The following DPP6 variants were observed in gnomAD, a reference collection of about 807,000 sequenced individuals.
DPP6 encodes the protein dipeptidyl peptidase like 6, also known as A-type potassium channel modulatory protein DPP6.
In DPP6, 69 loss-of-function variants were observed where a neutral mutation model predicts 122.6. The ratio of observed to expected loss-of-function variants is 0.56; its 90% CI spans 0.46 to 0.69. The LOEUF (loss-of-function observed/expected upper bound fraction) is 0.69. DPP6 is among the 30% of genes least tolerant of loss of function. The pLI, the probability that DPP6 is intolerant of heterozygous loss-of-function variation, is 0.00. For synonymous variants in DPP6, 418 were observed against 433.1 expected (o/e 0.97, Z 0.43); for missense variants, 928 against 1,116.9 (o/e 0.83, Z 2.41).
intron 1 of DPP6, among the ~76,000 whole-genome samples, chr7:154,041,937 T>C (rs1212023073): frequency 2.0e-5 from 3 of 152,152 alleles, no homozygotes; most frequent in Non-Finnish European, 4.4e-5. Flanking sequence ...TTTTGTATTT[T>C]TAGTAGAGCC....
chr7:154,229,533 A>G (rs1800794553), intron 1 of DPP6, among the ~76,000 whole-genome samples: 1 of 152,234 alleles, frequency 6.6e-6, no homozygotes, highest in South Asian at 2.1e-4. Flanking sequence ...CATGAACAAG[A>G]TGATGTTTTT....
At chr7:154,183,260 T>G (rs1236804089) in intron 1 of DPP6, among the ~76,000 whole-genome samples, 1 of 152,144 alleles carries the variant, frequency 6.6e-6, no homozygotes, top group Non-Finnish European at 1.5e-5. Context: ...TGCCCTAAAA[T>G]AACCTATAGC....
At chr7:154,623,881 A>G (rs1009625163) in intron 5 of DPP6, among the ~76,000 whole-genome samples, 1 of 152,250 alleles carries the variant, frequency 6.6e-6, no homozygotes, top group South Asian at 2.1e-4. Context: ...TTTATTTACA[A>G]ATAATCTGGG....
At position 154,267,711 on chromosome 7, in the gene DPP6, A is replaced by C. The variant is rs550500298; in HGVS notation, c.244-178503A>C. Among the ~76,000 whole-genome samples, 172 of 134,610 alleles carry C rather than the reference A, an allele frequency of 1.3e-3. 1 individual carries two copies. The highest frequency in any genetic ancestry group is 4.5e-3 in the African/African-American group (161 of 35,500). The allele number at this position is 134,610 out of a possible 152,430, so 88.3% of individuals were successfully genotyped here. ...CCCTTATAAACACATATACACACGT[A>C]TATGCACACATACATATATATGTGT... On this transcript the variant is annotated intron_variant, in intron 1 of 25. Coordinates refer to ENST00000377770, the MANE Select transcript of DPP6 (RefSeq NM_130797.4).
chr7:154,260,784 G>T (rs1186464958), intron 1 of DPP6, among the ~76,000 whole-genome samples: 3 of 149,172 alleles, frequency 2.0e-5, no homozygotes, highest in Non-Finnish European at 3.0e-5. Flanking sequence ...GAATTGTGCT[G>T]CTATAAACAT....
At chr7:154,778,650 C>T (rs113982708) in intron 10 of DPP6, among the ~76,000 whole-genome samples, 83 of 151,018 alleles carry the variant, frequency 5.5e-4, no homozygotes, top group African/African-American at 1.9e-3. Context: ...ACCACCACCA[C>T]CACAACCTCT....
chr7:154,690,184 T>C (rs1839855555), intron 7 of DPP6, among the ~76,000 whole-genome samples: 1 of 152,206 alleles, frequency 6.6e-6, no homozygotes, highest in Non-Finnish European at 1.5e-5. Context: ...AATGAACATA[T>C]GAAATGTCAG....
At chr7:154,252,302 C>A (rs1328436593) in intron 1 of DPP6, among the ~76,000 whole-genome samples, 2 of 152,110 alleles carry the variant, frequency 1.3e-5, no homozygotes, top group Non-Finnish European at 2.9e-5. Context: ...TAAAGCTAAT[C>A]TTTGATAAAA....
chr7:153,927,960 G>C (rs6957262), intron 1 of DPP6, among the ~76,000 whole-genome samples: 146,228 of 152,298 alleles, frequency 0.96, 70,234 homozygotes, highest in East Asian at 1. Context: ...AAGACCATGG[G>C]TTCAGAGGTC....
the DPP6 span, among the ~76,000 whole-genome samples, chr7:153,861,094 C>CT: frequency 2.0e-4 from 31 of 151,892 alleles, no homozygotes; most frequent in Non-Finnish European, 4.4e-5. Flanking sequence ...ACAGATAATG[C>CT]TTTTTTTTAA....
chr7:154,520,643 A>C (rs1260519084), intron 3 of DPP6, among the ~76,000 whole-genome samples: 1 of 152,242 alleles, frequency 6.6e-6, no homozygotes, highest in Admixed American at 6.5e-5. Context: ...TCAGGGATGC[A>C]TAGATAAGGT....
At chr7:153,964,944 C>CTTTCTT (rs1795597481) in intron 1 of DPP6, among the ~76,000 whole-genome samples, 10 of 58,128 alleles carry the variant, frequency 1.7e-4, no homozygotes, top group South Asian at 8.3e-4. Flanking sequence ...CTTTCTTTTT[C>CTTTCTT]TTTCTTTCTC....
chr7:153,865,100 A>C, the DPP6 span, among the ~76,000 whole-genome samples: 1 of 152,106 alleles, frequency 6.6e-6, no homozygotes, highest in Non-Finnish European at 1.5e-5. Flanking sequence ...ACTTAAAGCG[A>C]TTTACCAGCA....
At chr7:154,079,101 A>G (rs1244072478) in intron 1 of DPP6, among the ~76,000 whole-genome samples, 1 of 152,138 alleles carries the variant, frequency 6.6e-6, no homozygotes, top group Non-Finnish European at 1.5e-5. Flanking sequence ...TACTAAAAAT[A>G]CAAAAATTAG....
chr7:153,888,222 A>G (rs952880474), intron 1 of DPP6, among the ~76,000 whole-genome samples: 1 of 152,150 alleles, frequency 6.6e-6, no homozygotes, highest in Non-Finnish European at 1.5e-5. Flanking sequence ...GGCAGGCGCC[A>G]GTCGCTCCGC....
intron 11 of DPP6, among the ~76,000 whole-genome samples, chr7:154,795,142 T>C (rs1239532642): frequency 6.6e-6 from 1 of 152,066 alleles, no homozygotes; most frequent in Non-Finnish European, 1.5e-5. Context: ...AAAAATGGCT[T>C]GTAATCTCCA....
chr7:154,599,419 G>A (rs1833291245), intron 5 of DPP6, among the ~76,000 whole-genome samples: 1 of 152,168 alleles, frequency 6.6e-6, no homozygotes, highest in South Asian at 2.1e-4. Flanking sequence ...CTCAGGTGAC[G>A]AGGTGAATAT....
the DPP6 span, among the ~76,000 whole-genome samples, chr7:153,855,153 G>T: frequency 2.0e-4 from 29 of 148,316 alleles, no homozygotes; most frequent in Non-Finnish European, 4.3e-4. Context: ...ACAAGTTAGT[G>T]GGTGCAGCGC....
intron 9 of DPP6, 84 bp downstream of exon 9, chr7:154,769,655 C>T (rs1796129556): frequency 7.1e-7 from 1 of 1,409,206 alleles, no homozygotes. Context: ...CAGACGTGAT[C>T]ATCAGACATG....
Sources: gnomAD v4.1 joint callset for allele counts (sites outside exome capture counted in the v4.1 genomes callset) on GRCh38, gnomAD v4.1.1 for gene constraint, MANE v1.5 for transcripts, NCBI Gene and HGNC (gene_info 2026-07-23, HGNC 2026-07-21) for gene names.